Variants in CDH4 observed in about 807,000 individuals in gnomAD.
CDH4 encodes cadherin-4.
In CDH4, 33 loss-of-function variants were observed where a neutral mutation model predicts 86.0. That is an observed-to-expected ratio of 0.38 (90% confidence interval 0.29 to 0.51). CDH4 has a LOEUF of 0.51. Ranked by LOEUF, CDH4 falls within the 20% of genes least tolerant of loss-of-function variation. CDH4 has a pLI of 0.86. For synonymous variants in CDH4, 555 were observed against 549.4 expected, an observed-to-expected ratio of 1.01 and a Z score of -0.14; for missense variants, 1,114 against 1,307.4, an observed-to-expected ratio of 0.85 and a Z score of 2.28.
At chr20:61,817,081 G>C (rs187419613) in intron 4 of CDH4, among the ~76,000 whole-genome samples, 15 of 152,176 alleles carry the variant, frequency 9.9e-5, no homozygotes, top group Non-Finnish European at 1.9e-4. Flanking sequence ...GGCACATGGC[G>C]ACCCCCACTT....
chr20:61,353,395 C>T (rs1035423731), intron 2 of CDH4, among the ~76,000 whole-genome samples: 3 of 152,064 alleles, frequency 2.0e-5, no homozygotes, highest in Non-Finnish European at 4.4e-5. Context: ...GCCAAGCCTT[C>T]GCGCATTGCA....
chr20:61,272,212 C>T (rs1446300528), intron 2 of CDH4, among the ~76,000 whole-genome samples: 1 of 152,130 alleles, frequency 6.6e-6, no homozygotes. Flanking sequence ...AAGGAGGATT[C>T]TGGAAGGATA....
intron 2 of CDH4, among the ~76,000 whole-genome samples, chr20:61,620,307 G>C (rs1343266282): frequency 6.6e-6 from 1 of 151,412 alleles, no homozygotes; most frequent in Non-Finnish European, 1.5e-5. Context: ...ATGGTAGGTA[G>C]ATAGGTAGGT....
intron 2 of CDH4, among the ~76,000 whole-genome samples, chr20:61,358,905 G>C (rs989070210): frequency 6.6e-6 from 1 of 152,158 alleles, no homozygotes; most frequent in Non-Finnish European, 1.5e-5. Flanking sequence ...AGGGTGACGG[G>C]GGGGTTTACT....
At chr20:61,386,743 C>T (rs2084953347) in intron 2 of CDH4, among the ~76,000 whole-genome samples, 2 of 152,258 alleles carry the variant, frequency 1.3e-5, no homozygotes, top group African/African-American at 4.8e-5. Context: ...CATCACTGTG[C>T]CTAGCACACC....
intron 8 of CDH4, among the ~76,000 whole-genome samples, chr20:61,895,466 C>T (rs944470658): frequency 6.6e-6 from 1 of 152,202 alleles, no homozygotes; most frequent in African/African-American, 2.4e-5. Flanking sequence ...CTGCTGTCGG[C>T]AGAAAGGGGG....
At chr20:61,499,543 TTATC>T (rs1356589160) in intron 2 of CDH4, 6 of 1,283,066 alleles carry the variant, frequency 4.7e-6, no homozygotes, top group Non-Finnish European at 6.1e-6. Flanking sequence ...GGCCACTTCT[TTATC>T]TAACTGGGCC....
At chr20:61,650,916 T>C (rs1412202536) in intron 2 of CDH4, among the ~76,000 whole-genome samples, 2 of 152,270 alleles carry the variant, frequency 1.3e-5, no homozygotes, top group African/African-American at 4.8e-5. Context: ...TGCTCTTCAG[T>C]GGCCCCATAT....
intron 13 of CDH4, 56 bp from the exon 14 acceptor site, chr20:61,932,929 G>A (rs2123008060): frequency 8.2e-6 from 13 of 1,587,048 alleles, no homozygotes; most frequent in Non-Finnish European, 1.1e-5. Flanking sequence ...CAAACACAGA[G>A]GCACACATGC....
intron 2 of CDH4, among the ~76,000 whole-genome samples, chr20:61,367,138 G>A (rs994102670): frequency 1.3e-5 from 2 of 152,176 alleles, no homozygotes; most frequent in Non-Finnish European, 2.9e-5. Context: ...AGGGAGGAGG[G>A]CGTGTGCCAA....
intron 2 of CDH4, among the ~76,000 whole-genome samples, chr20:61,451,985 G>A (rs1371592147): frequency 6.6e-6 from 1 of 152,228 alleles, no homozygotes; most frequent in African/African-American, 2.4e-5. Context: ...AAACTTGATT[G>A]TGAGTCTTGA....
At chr20:61,861,958 A>G (rs1267524786) in intron 6 of CDH4, among the ~76,000 whole-genome samples, 8 of 152,224 alleles carry the variant, frequency 5.3e-5, no homozygotes, top group African/African-American at 1.9e-4. Flanking sequence ...CTCAAGGTGC[A>G]GGCCTCACAC....
intron 2 of CDH4, among the ~76,000 whole-genome samples, chr20:61,431,729 C>T (rs902319852): frequency 1.3e-5 from 2 of 152,076 alleles, no homozygotes; most frequent in Non-Finnish European, 2.9e-5. Context: ...AAACATGAAA[C>T]CACCACCATA....
At chr20:61,540,869 C>G (rs2086034446) in intron 2 of CDH4, among the ~76,000 whole-genome samples, 1 of 152,188 alleles carries the variant, frequency 6.6e-6, no homozygotes, top group East Asian at 1.9e-4. Flanking sequence ...GACCCTGAGA[C>G]CCTCCAATAA....
At chr20:61,502,953 C>T (rs549115302) in intron 2 of CDH4, among the ~76,000 whole-genome samples, 2 of 152,244 alleles carry the variant, frequency 1.3e-5, no homozygotes, top group South Asian at 2.1e-4. Context: ...GTGTCGCTCA[C>T]CGTGAGCATT....
At position 61,928,200 on chromosome 20, in the gene CDH4, G is replaced by C. The variant is rs767997015; in HGVS notation, c.1782G>C (p.Pro594=). Residue 594 remains proline (P), a synonymous_variant, in exon 12 of 16, where the codon CCG becomes CCC. Transcript: ENST00000614565. ...TFLAADNGIP[P]ASGTGTLQIY... Reference sequence around the variant, plus strand: ...GTGTCTGTTCCACAGGGATACCCCCGGCCAGCGGCACCGGGACCCTCCAGA... The same window carrying C: ...GTGTCTGTTCCACAGGGATACCCCCCGCCAGCGGCACCGGGACCCTCCAGA... The C allele has an allele frequency of 6.2e-7, 1 of 1,600,688 alleles. No individual in the cohort carries two copies.
intron 2 of CDH4, among the ~76,000 whole-genome samples, chr20:61,733,363 G>A (rs919507822): frequency 1.3e-5 from 2 of 152,156 alleles, no homozygotes; most frequent in African/African-American, 4.8e-5. Context: ...GCCGCTCCCA[G>A]TGGTTCTGTA....
Position 61,480,437 on chromosome 20 carries a change from C to T in CDH4, c.169+225500C>T, listed in dbSNP as rs963104402. 1.3e-5 allele frequency among the ~76,000 whole-genome samples: 2 copies of T among 152,222 alleles called. No homozygotes were observed. The highest frequency in any genetic ancestry group is 2.4e-5 in the African/African-American group (1 of 41,452). On this transcript the variant is annotated intron_variant, in intron 2 of 15. Coordinates refer to ENST00000614565, the MANE Select transcript of CDH4 (RefSeq NM_001794.5). The surrounding 1 kb of genome is among the most constrained non-coding windows in gnomAD (Gnocchi z 5.2). ...CCCTGCCACGCCATCTCTGGGAAGCCTCCTTTCCCTCTTCGTCCAGGTTTT... is the reference window on the plus strand; with the variant it reads ...CCCTGCCACGCCATCTCTGGGAAGCTTCCTTTCCCTCTTCGTCCAGGTTTT...
intron 2 of CDH4, among the ~76,000 whole-genome samples, chr20:61,419,995 T>C (rs1343439300): frequency 6.6e-6 from 1 of 152,256 alleles, no homozygotes; most frequent in Non-Finnish European, 1.5e-5. Context: ...GCAAAGCCTG[T>C]GCATTCTCAT....
Sources: gnomAD v4.1 joint callset for allele counts (sites outside exome capture counted in the v4.1 genomes callset) on GRCh38, gnomAD v4.1.1 for gene constraint, Gnocchi (gnomAD v3.1) non-coding constraint, MANE v1.5 for transcripts, NCBI Gene and HGNC (gene_info 2026-07-23, HGNC 2026-07-21) for gene names.